Variants in DTNBP1 observed in about 807,000 individuals in gnomAD.
DTNBP1 encodes the protein dysbindin.
Under a neutral mutation model 42.8 loss-of-function variants are expected in DTNBP1, and 35 were observed. The ratio of observed to expected loss-of-function variants is 0.82; its 90% CI spans 0.63 to 1.09. The LOEUF (loss-of-function observed/expected upper bound fraction) is 1.09, where lower values mean the gene tolerates loss of function less well. Ranked by LOEUF, DTNBP1 falls within the 50% of genes least tolerant of loss-of-function variation. DTNBP1 has a pLI of 0.00. For missense variants in DTNBP1, 457 were observed against 424.2 expected, an observed-to-expected ratio of 1.08 and a Z score of -0.68; for synonymous variants, 171 against 162.2, an observed-to-expected ratio of 1.05 and a Z score of -0.41.
At chr6:15,592,599 G>GAA (rs1205800559) in intron 7 of DTNBP1, among the ~76,000 whole-genome samples, 1 of 152,208 alleles carries the variant, frequency 6.6e-6, no homozygotes, top group African/African-American at 2.4e-5. Context: ...GATGGAGAGA[G>GAA]AAACTGTGCC....
rs568376654 is a variant in DTNBP1, at chr6:15,614,488, G to A, written c.488+779C>T. 4.6e-5 allele frequency among the ~76,000 whole-genome samples: 7 copies of A among 152,132 alleles called. No individual in the cohort carries two copies. The South Asian group carries it at 1.3e-3, about 27-fold the overall frequency. ...CGCCTCCAGCTTCAGTTCCAGAGGC[G>A]CCCAGCACAGATGACAGTCTGTCTC... On this transcript the variant is annotated intron_variant, in intron 6 of 9. Transcript: ENST00000344537.
intron 3 of DTNBP1, among the ~76,000 whole-genome samples, chr6:15,645,076 T>A (rs1201591254): frequency 6.6e-6 from 1 of 151,860 alleles, no homozygotes; most frequent in African/African-American, 2.4e-5. Context: ...AAATAAGCAC[T>A]ATCAGAAATG....
chr6:15,631,854 G>A (rs975908413), intron 4 of DTNBP1, among the ~76,000 whole-genome samples: 1 of 152,144 alleles, frequency 6.6e-6, no homozygotes, highest in African/African-American at 2.4e-5. Flanking sequence ...TTTTTCTAAC[G>A]TGATTGTTCT....
chr6:15,631,537 C>T (rs529663302), intron 4 of DTNBP1, among the ~76,000 whole-genome samples: 16 of 152,298 alleles, frequency 1.1e-4, no homozygotes, highest in South Asian at 8.3e-4. Flanking sequence ...CTGCTGTATA[C>T]GGTATTTATT....
chr6:15,557,246 A>ATTTT (rs34529397), intron 7 of DTNBP1, among the ~76,000 whole-genome samples: 1 of 135,080 alleles, frequency 7.4e-6, no homozygotes, highest in Non-Finnish European at 1.6e-5. Context: ...GGGGGTGGGA[A>ATTTT]TTTTTTTTTT....
chr6:15,526,207 G>C (rs1437787620), intron 8 of DTNBP1, among the ~76,000 whole-genome samples: 1 of 152,170 alleles, frequency 6.6e-6, no homozygotes, highest in Non-Finnish European at 1.5e-5. Flanking sequence ...GCCTGCTCTC[G>C]CTAGAGGCAT....
intron 7 of DTNBP1, among the ~76,000 whole-genome samples, chr6:15,534,857 T>C (rs1773120441): frequency 6.6e-6 from 1 of 151,872 alleles, no homozygotes; most frequent in Non-Finnish European, 1.5e-5. Flanking sequence ...TGTGAAAAAA[T>C]TTTATAATTT....
At chr6:15,561,472 T>C (rs893287752) in intron 7 of DTNBP1, among the ~76,000 whole-genome samples, 2 of 152,214 alleles carry the variant, frequency 1.3e-5, no homozygotes, top group Non-Finnish European at 2.9e-5. Context: ...TCAAGAGTTA[T>C]GAATGGCCCT....
intron 8 of DTNBP1, 110 bp downstream of exon 8, chr6:15,533,128 CAG>C (rs923034063): frequency 6.5e-7 from 1 of 1,536,526 alleles, no homozygotes; most frequent in Admixed American, 1.9e-5. Flanking sequence ...GGTCTCATAA[CAG>C]AACGGAACTT....
At chr6:15,551,711 G>A in intron 7 of DTNBP1, among the ~76,000 whole-genome samples, 1 of 152,214 alleles carries the variant, frequency 6.6e-6, no homozygotes, top group East Asian at 1.9e-4. Flanking sequence ...CGTTCCTCGA[G>A]AGCAAGCACT....
rs374247127 is a variant in DTNBP1, at chr6:15,567,590, G to A, written c.511+25469C>T. Reference sequence around the variant, plus strand: ...CCAACCAGAAAATCGTACAATTCACGTATGACCTGTAAGCCCCCTCGCTTC... The same window carrying A: ...CCAACCAGAAAATCGTACAATTCACATATGACCTGTAAGCCCCCTCGCTTC... On this transcript the variant is annotated intron_variant, in intron 7 of 9. Coordinates refer to ENST00000344537, the MANE Select transcript of DTNBP1 (RefSeq NM_032122.5). 2.0e-4 allele frequency among the ~76,000 whole-genome samples: 30 copies of A among 152,214 alleles called. No individual in the cohort carries two copies. The South Asian group carries it at 5.0e-3, about 25-fold the overall frequency.
At position 15,662,662 on chromosome 6, in the gene DTNBP1, G is replaced by A. The variant is rs537322213; in HGVS notation, c.56+152C>T. 3.4e-5 allele frequency: 39 copies of A among 1,157,878 alleles called. No individual in the cohort carries two copies. The East Asian group carries it at 9.4e-4, about 28-fold the overall frequency. 71.7% of individuals were successfully genotyped at this position (1,157,878 alleles called of 1,614,324 possible). A position where few individuals can be genotyped will look rare whatever the true frequency, so the allele number is the denominator to read the frequency against. ...GCGCCGCCCGACGCGAGGACGCCGG[G>A]AAGTTCGTTACTTTCCTCGGCGGGG... On this transcript the variant is annotated intron_variant, in intron 1 of 9. Transcript: ENST00000344537.
chr6:15,571,477 T>C (rs567941821), intron 7 of DTNBP1, among the ~76,000 whole-genome samples: 1 of 152,356 alleles, frequency 6.6e-6, no homozygotes, highest in East Asian at 1.9e-4. Context: ...TCTCCCGCCC[T>C]CTTTTAGTTT....
rs546255103 is a variant in DTNBP1 at position 15,634,955 on chromosome 6, T to G, written c.222+2789A>C. Among the ~76,000 whole-genome samples, 33 of 152,352 alleles carry G rather than the reference T, an allele frequency of 2.2e-4. 1 individual carries two copies. The highest frequency in any genetic ancestry group is 7.2e-4 in the African/African-American group (30 of 41,586). On this transcript the variant is annotated intron_variant, in intron 4 of 9. Transcript: ENST00000344537. ...TTCCTGAATTACATTCTTTAGAAGT[T>G]CTTTTATTGGACGATTGCTGATAGA...
intron 5 of DTNBP1, among the ~76,000 whole-genome samples, chr6:15,621,603 A>G (rs966069311): frequency 2.0e-5 from 3 of 152,192 alleles, no homozygotes; most frequent in East Asian, 3.8e-4. Context: ...AAATGCTTGA[A>G]ATAGTCCGTG....
intron 7 of DTNBP1, among the ~76,000 whole-genome samples, chr6:15,549,647 G>A (rs1017038060): frequency 1.6e-4 from 25 of 152,150 alleles, no homozygotes; most frequent in African/African-American, 5.8e-4. Flanking sequence ...GCAACTCTGG[G>A]CCTCCCCTGT....
intron 3 of DTNBP1, 84 bp downstream of exon 3, chr6:15,651,229 G>C: frequency 3.9e-6 from 5 of 1,281,822 alleles, no homozygotes; most frequent in Non-Finnish European, 5.6e-6. Flanking sequence ...CTGTTTTAAG[G>C]CTTTTAACCT....
chr6:15,625,772 A>G (rs1277826514), intron 5 of DTNBP1, among the ~76,000 whole-genome samples: 2 of 152,244 alleles, frequency 1.3e-5, no homozygotes, highest in Non-Finnish European at 2.9e-5. Flanking sequence ...CATGTCTGCA[A>G]AGAAACATAC....
At chr6:15,575,558 C>T (rs1417167052) in intron 7 of DTNBP1, among the ~76,000 whole-genome samples, 1 of 152,164 alleles carries the variant, frequency 6.6e-6, no homozygotes, top group Non-Finnish European at 1.5e-5. Context: ...TGAAAAGTGA[C>T]CCCTGGAAAA....
Sources: gnomAD v4.1 joint callset for allele counts (sites outside exome capture counted in the v4.1 genomes callset) on GRCh38, gnomAD v4.1.1 for gene constraint, MANE v1.5 for transcripts, NCBI Gene and HGNC (gene_info 2026-07-23, HGNC 2026-07-21) for gene names.